The following BMPR1B variants were observed in gnomAD, a reference collection of about 807,000 sequenced individuals.
BMPR1B encodes the protein bone morphogenetic protein receptor type-1B.
BMPR1B carries 12 observed loss-of-function variants against 59.1 expected under a neutral mutation model. The observed-to-expected ratio is 0.20, with a 90% CI of 0.13 to 0.33. The LOEUF is 0.33. Ranked by LOEUF, BMPR1B falls within the 10% of genes least tolerant of loss-of-function variation. BMPR1B has a pLI of 1.00. For synonymous variants in BMPR1B, 237 were observed against 207.3 expected (o/e 1.14, Z -1.23); for missense variants, 550 against 610.9 (o/e 0.90, Z 1.05).
chr4:95,134,021 T>TC (rs1325023950), intron 10 of BMPR1B, among the ~76,000 whole-genome samples: 4 of 151,812 alleles, frequency 2.6e-5, no homozygotes, highest in Non-Finnish European at 5.9e-5. Context: ...ATGCTATCCC[T>TC]CCCCCCTCCA....
intron 3 of BMPR1B, among the ~76,000 whole-genome samples, chr4:95,056,786 C>CAAACA (rs79863878): frequency 2.6e-5 from 4 of 151,706 alleles, no homozygotes; most frequent in Non-Finnish European, 5.9e-5. Context: ...GGCCTGAAAA[C>CAAACA]AAACAAAACA....
intron 1 of BMPR1B, among the ~76,000 whole-genome samples, chr4:94,827,408 A>G (rs974456078): frequency 4.6e-5 from 7 of 152,208 alleles, no homozygotes. Context: ...TATAAAGTGT[A>G]TATAAACTTT....
intron 2 of BMPR1B, among the ~76,000 whole-genome samples, chr4:94,907,420 TG>T (rs1021065650): frequency 2.8e-4 from 43 of 152,212 alleles, no homozygotes; most frequent in Non-Finnish European, 1.3e-4. Context: ...AATATTTATT[TG>T]GTTGTCTGTT....
intron 3 of BMPR1B, among the ~76,000 whole-genome samples, chr4:95,063,025 A>G (rs1727516770): frequency 6.6e-6 from 1 of 152,090 alleles, no homozygotes; most frequent in South Asian, 2.1e-4. Flanking sequence ...TTTATAAGAT[A>G]CTCTGGCAAA....
chr4:94,971,696 G>A (rs993786026), intron 2 of BMPR1B, among the ~76,000 whole-genome samples: 1 of 151,590 alleles, frequency 6.6e-6, no homozygotes, highest in Non-Finnish European at 1.5e-5. Flanking sequence ...TAAGCATCTA[G>A]TATCTTCATC....
At chr4:94,969,488 G>A (rs1450811090) in intron 2 of BMPR1B, among the ~76,000 whole-genome samples, 1 of 152,060 alleles carries the variant, frequency 6.6e-6, no homozygotes, top group African/African-American at 2.4e-5. Flanking sequence ...TTTAACATTG[G>A]GTAGTATTCT....
At chr4:94,873,914 A>G (rs1044845452) in intron 1 of BMPR1B, among the ~76,000 whole-genome samples, 3 of 152,192 alleles carry the variant, frequency 2.0e-5, no homozygotes, top group Admixed American at 1.3e-4. Flanking sequence ...ATTAAGCCAC[A>G]AGCCCCATTT....
intron 1 of BMPR1B, among the ~76,000 whole-genome samples, chr4:94,858,092 C>A (rs1725837483): frequency 6.8e-6 from 1 of 147,816 alleles, no homozygotes; most frequent in African/African-American, 2.5e-5. Flanking sequence ...ACTACAGGTG[C>A]CCACCACCAC....
intron 1 of BMPR1B, among the ~76,000 whole-genome samples, chr4:94,793,005 T>TTC (rs72599829): frequency 6.0e-5 from 9 of 149,580 alleles, no homozygotes; most frequent in Non-Finnish European, 8.9e-5. Context: ...TATAGAAAAC[T>TTC]TTTTTTTTCT....
intron 2 of BMPR1B, among the ~76,000 whole-genome samples, chr4:94,910,955 T>A (rs1159376657): frequency 6.6e-6 from 1 of 152,116 alleles, no homozygotes; most frequent in African/African-American, 2.4e-5. Context: ...TTAAAAATCC[T>A]TATGAATAAA....
At chr4:95,056,005 G>A (rs2149196550) in intron 3 of BMPR1B, among the ~76,000 whole-genome samples, 1 of 152,234 alleles carries the variant, frequency 6.6e-6, no homozygotes, top group East Asian at 1.9e-4. Flanking sequence ...ATAAATCTAT[G>A]AATTCTTCCC....
At chr4:94,975,194 C>T (rs1189643012) in intron 2 of BMPR1B, among the ~76,000 whole-genome samples, 1 of 152,030 alleles carries the variant, frequency 6.6e-6, no homozygotes, top group Non-Finnish European at 1.5e-5. Flanking sequence ...AGATAGGACG[C>T]AGAATATTGA....
At chr4:95,121,636 A>G (rs1732538271) in intron 6 of BMPR1B, among the ~76,000 whole-genome samples, 1 of 152,196 alleles carries the variant, frequency 6.6e-6, no homozygotes, top group Non-Finnish European at 1.5e-5. Flanking sequence ...AAGGCAAGAT[A>G]ATTATTTTTA....
At chr4:94,842,871 TATG>T (rs34639878) in intron 1 of BMPR1B, among the ~76,000 whole-genome samples, 39,617 of 151,844 alleles carry the variant, frequency 0.26, 5,499 homozygotes, top group East Asian at 0.39. Context: ...ACTTTTAAAA[TATG>T]ATATTTTCAT....
At chr4:95,100,196 TG>T (rs1323975068) in intron 3 of BMPR1B, among the ~76,000 whole-genome samples, 1 of 152,148 alleles carries the variant, frequency 6.6e-6, no homozygotes, top group African/African-American at 2.4e-5. Context: ...TCTTTTTTCT[TG>T]TTTATACCTT....
intron 1 of BMPR1B, among the ~76,000 whole-genome samples, chr4:94,869,095 AACACACACACACACACACAC>A (rs59407857): frequency 0.083 from 12,057 of 144,656 alleles, 489 homozygotes; most frequent in South Asian, 0.11. Flanking sequence ...TTTACTATCA[AACACACACACACACACACAC>A]ACACACACAC....
chr4:94,820,840 C>T (rs578196043), intron 1 of BMPR1B, among the ~76,000 whole-genome samples: 15 of 152,124 alleles, frequency 9.9e-5, no homozygotes, highest in African/African-American at 3.6e-4. Flanking sequence ...CTACTGTTGG[C>T]GCTAACTTCA....
Position 95,045,542 on chromosome 4 carries a change from G to A in BMPR1B, c.-18+49408G>A, listed in dbSNP as rs368996372. 3.5e-4 allele frequency among the ~76,000 whole-genome samples: 54 copies of A among 152,176 alleles called. 2 individuals carry two copies. In the South Asian group the frequency reaches 0.01, roughly 29 times the overall value. ...TTTTTTTCTTACTCATAAATGTACTGTACTGCCTGTTCTCTTTGCTTAGGA... is the reference window on the plus strand; with the variant it reads ...TTTTTTTCTTACTCATAAATGTACTATACTGCCTGTTCTCTTTGCTTAGGA... On this transcript the variant is annotated intron_variant, in intron 3 of 12. Transcript: ENST00000515059.
At chr4:94,981,634 A>C (rs1178892129) in intron 2 of BMPR1B, among the ~76,000 whole-genome samples, 1 of 152,174 alleles carries the variant, frequency 6.6e-6, no homozygotes, top group Non-Finnish European at 1.5e-5. Flanking sequence ...AAAAATAAGA[A>C]CCTAAATTGA....
Sources: allele counts gnomAD v4.1 joint callset (sites outside exome capture counted in the v4.1 genomes callset), GRCh38; gene constraint gnomAD v4.1.1; transcripts MANE v1.5; gene names NCBI Gene and HGNC (gene_info 2026-07-23, HGNC 2026-07-21).